Variants in DBH observed in about 807,000 individuals in gnomAD.
DBH encodes the protein dopamine beta-hydroxylase.
A neutral mutation model predicts 64.0 loss-of-function variants in DBH; 49 were observed. The ratio of observed to expected loss-of-function variants is 0.77; its 90% CI spans 0.61 to 0.97. The LOEUF (loss-of-function observed/expected upper bound fraction) is 0.97, where lower values mean the gene tolerates loss of function less well. DBH is among the 50% of genes least tolerant of loss of function. The pLI is 0.00. For synonymous variants in DBH, 343 were observed against 347.1 expected (o/e 0.99, Z 0.13); for missense variants, 828 against 826.6 (o/e 1.00, Z -0.02).
rs544044948 is a variant in DBH at position 133,657,316 on chromosome 9, A to G, written c.1722+87A>G. On this transcript the variant is annotated intron_variant, in intron 11 of 11. Coordinates refer to ENST00000393056, the MANE Select transcript of DBH (RefSeq NM_000787.4). The stretch of plus-strand genomic sequence containing the variant: ...GAGGGGTGATGGGTCTGCACTCCAA[A>G]CTGCTGGCAAAAGCACTCGCACAAG... 4.2e-5 allele frequency: 64 copies of G among 1,531,294 alleles called. 1 individual carries two copies. The Middle Eastern group carries it at 2.0e-3, about 49-fold the overall frequency. 94.9% of individuals were successfully genotyped at this position (1,531,294 alleles called of 1,614,324 possible).
Position 133,658,531 on chromosome 9 carries a change from A to G in DBH, c.*84A>G. On this transcript the variant is annotated 3_prime_UTR_variant, in exon 12 of 12. Coordinates refer to ENST00000393056, the MANE Select transcript of DBH (RefSeq NM_000787.4). ...TGCACTCTACTCTGCGACGATCCCC[A>G]TGGAACAGCCCTGCACGCCCAGGAT... is the stretch of plus-strand genomic sequence containing the variant. 1 of 1,420,410 alleles carries G rather than the reference A, an allele frequency of 7.0e-7. No individual in the cohort carries two copies. The highest frequency in any genetic ancestry group is 9.4e-7 in the Non-Finnish European group (1 of 1,062,388). 88.0% of individuals were successfully genotyped at this position (1,420,410 alleles called of 1,614,324 possible).
chr9:133,641,154 A>T (rs1391227723), intron 2 of DBH, among the ~76,000 whole-genome samples: 3 of 152,240 alleles, frequency 2.0e-5, no homozygotes, highest in Admixed American at 1.3e-4. Context: ...TGAGCCTGCA[A>T]TCCATTAATA....
At chr9:133,638,071 CT>C (rs1282743691) in intron 1 of DBH, among the ~76,000 whole-genome samples, 3 of 152,270 alleles carry the variant, frequency 2.0e-5, no homozygotes, top group Non-Finnish European at 2.9e-5. Flanking sequence ...AGCGTCCCCC[CT>C]GCCTGCATTT....
At chr9:133,658,085 G>A (rs1832358750) in intron 11 of DBH, among the ~76,000 whole-genome samples, 1 of 151,738 alleles carries the variant, frequency 6.6e-6, no homozygotes, top group South Asian at 2.1e-4. Flanking sequence ...GAGGCGGGGA[G>A]AGGCCTGGAT....
Position 133,658,407 on chromosome 9 carries a change from C to T in DBH, c.1814C>T (p.Ala605Val), listed in dbSNP as rs1832363922. Residue 605 changes from alanine to valine, a missense_variant, in exon 12 of 12, where the codon GCT becomes GTT. Transcript: ENST00000393056. ...QCPTSQGRSP[A>V]GPTVVSIGGG... is the part of the protein sequence containing the mutation. ...CCCACCAGCCAGGGCCGAAGCCCTG[C>T]TGGCCCCACCGTTGTCAGCATTGGT... 6.2e-7 allele frequency: 1 copy of T among 1,613,336 alleles called. No individual in the cohort carries two copies. The highest frequency in any genetic ancestry group is 1.3e-5 in the African/African-American group (1 of 74,912).
chr9:133,659,044 C>T lies in DBH; in HGVS notation c.*597C>T, dbSNP rs1832375879. On this transcript the variant is annotated 3_prime_UTR_variant, in exon 12 of 12. Transcript: ENST00000393056. ...TCGCCCACCTAAAGGGAAGCCCTGACAACAACTATCACCAAAAGACGAGGC... is the reference window on the plus strand; with the variant it reads ...TCGCCCACCTAAAGGGAAGCCCTGATAACAACTATCACCAAAAGACGAGGC... 6.6e-6 allele frequency: 1 copy of T among 152,148 alleles called. No homozygotes were observed. Among genetic ancestry groups the T allele is most frequent in the Admixed American group, 6.5e-5 (1 of 15,274 alleles). The allele number at this position is 152,148 out of a possible 1,614,324, so 9.4% of individuals were successfully genotyped here.
chr9:133,642,376 C>T lies in DBH; in HGVS notation c.656C>T (p.Pro219Leu). The T allele has an allele frequency of 1.2e-6, 2 of 1,614,098 alleles. No homozygotes were observed. Among genetic ancestry groups the T allele is most frequent in the Non-Finnish European group, 1.7e-6 (2 of 1,180,004 alleles). The change falls in exon 3 of 12, where the codon CCC (proline) becomes CTC (leucine). Residue 219 changes from proline (P) to leucine (L), a missense_variant. Transcript: ENST00000393056. The part of the protein sequence containing the change: ...SDACTMEVQA[P>L]NIQIPSQETT... Reference sequence around the variant, plus strand: ...GCGTGCACCATGGAGGTCCAAGCTCCCAATATCCAGATCCCCAGCCAGGAG... The same window carrying T: ...GCGTGCACCATGGAGGTCCAAGCTCTCAATATCCAGATCCCCAGCCAGGAG...
At chr9:133,652,395 A>AGAGCCATCCAGGGCAGGGGGAGGGT in intron 8 of DBH, 111 bp downstream of exon 8, 1 of 1,333,606 alleles carries the variant, frequency 7.5e-7, no homozygotes. Flanking sequence ...AGGGGGAGGG[A>AGAGCCATCCAGGGCAGGGGGAGGGT]GAGCCATCCA....
intron 2 of DBH, 73 bp downstream of exon 2, chr9:133,640,065 T>A (rs138201724): frequency 6.3e-7 from 1 of 1,580,332 alleles, no homozygotes; most frequent in African/African-American, 1.3e-5. Flanking sequence ...GCCAATGTCA[T>A]AGTACCTTTC....
chr9:133,637,579 T>A (rs992811081), intron 1 of DBH, among the ~76,000 whole-genome samples: 6 of 152,246 alleles, frequency 3.9e-5, no homozygotes, highest in Non-Finnish European at 7.3e-5. Context: ...CTGCTTTATC[T>A]GGGAGTGCCG....
chr9:133,640,006 G>T lies in DBH; in HGVS notation c.486+14G>T, dbSNP rs767097532. 1 of 1,613,750 alleles carries T rather than the reference G, an allele frequency of 6.2e-7. No individual in the cohort carries two copies. The highest frequency in any genetic ancestry group is 8.5e-7 in the Non-Finnish European group (1 of 1,179,926). On this transcript the variant is annotated intron_variant, in intron 2 of 11. Transcript: ENST00000393056. The stretch of plus-strand genomic sequence containing the variant: ...TACCTCATTGAAGTAAGGGGTGGCC[G>T]CGAGTACCCAGGAGGGCGTGGGCTG...
intron 3 of DBH, 79 bp downstream of exon 3, chr9:133,642,543 GC>G: frequency 6.6e-7 from 1 of 1,510,182 alleles, no homozygotes; most frequent in Non-Finnish European, 8.9e-7. Context: ...ACCCTGGAGA[GC>G]TGTCCACAGT....
rs1832368511 is a variant in DBH at position 133,658,630 on chromosome 9, G to A, written c.*183G>A. 7.3e-6 allele frequency: 5 copies of A among 681,000 alleles called. No individual in the cohort carries two copies. The highest frequency in any genetic ancestry group is 4.1e-4 in the Middle Eastern group (1 of 2,412). The allele number at this position is 681,000 out of a possible 1,614,324, so 42.2% of individuals were successfully genotyped here. On this transcript the variant is annotated 3_prime_UTR_variant, in exon 12 of 12. Coordinates refer to ENST00000393056, the MANE Select transcript of DBH (RefSeq NM_000787.4). ...TTCTTCCCCCAGGGTCCCCTGCATG[G>A]CTGAGAGGGTGTGGGTGCCCTGTTG...
chr9:133,642,178 C>A (rs201969575), intron 2 of DBH, 29 bp from the exon 3 acceptor site: 72 of 1,610,504 alleles, frequency 4.5e-5, no homozygotes, highest in Non-Finnish European at 5.9e-5. Flanking sequence ...TCTGAGAGGG[C>A]GACCAGCTGA....
At chr9:133,658,180 G>A in intron 11 of DBH, 136 bp from the exon 12 acceptor site, 1 of 1,203,608 alleles carries the variant, frequency 8.3e-7, no homozygotes, top group South Asian at 1.4e-5. Flanking sequence ...GCAACTTGGG[G>A]GAGCAGAGTG....
At chr9:133,651,480 G>A (rs1832247584) in intron 6 of DBH, among the ~76,000 whole-genome samples, 154 bp from the exon 7 acceptor site, 1 of 152,240 alleles carries the variant, frequency 6.6e-6, no homozygotes, top group Non-Finnish European at 1.5e-5. Context: ...TTCTGATGGT[G>A]GCTCTAACCT....
In DBH at chr9:133,651,795, A is replaced by G; in HGVS notation, c.1335+18A>G. The G allele has an allele frequency of 8.3e-7, 1 of 1,209,220 alleles. No homozygotes were observed. The highest frequency in any genetic ancestry group is 1.1e-6 in the Non-Finnish European group (1 of 902,674). The allele number at this position is 1,209,220 out of a possible 1,614,324, so 74.9% of individuals were successfully genotyped here. Reference sequence around the variant, plus strand: ...ACTTCCAGGTAGGAACCTGCACCCCACCCCTGCCCCGCCCCCACACCCTGC... The same window carrying G: ...ACTTCCAGGTAGGAACCTGCACCCCGCCCCTGCCCCGCCCCCACACCCTGC... On this transcript the variant is annotated intron_variant, in intron 7 of 11. Coordinates refer to ENST00000393056, the MANE Select transcript of DBH (RefSeq NM_000787.4).
chr9:133,649,155 T>A (rs1194059590), intron 6 of DBH, among the ~76,000 whole-genome samples: 1 of 152,232 alleles, frequency 6.6e-6, no homozygotes, highest in Non-Finnish European at 1.5e-5. Context: ...TTCCTCTGCC[T>A]CTTGGCCATT....
At chr9:133,657,448 AGAGGAGAGAGGGAGAGG>A (rs1437691815) in intron 11 of DBH, 1 of 421,912 alleles carries the variant, frequency 2.4e-6, no homozygotes, top group Non-Finnish European at 4.2e-6. Flanking sequence ...GAGAGGAGAG[AGAGGAGAGAGGGAGAGG>A]GAGAGAGGGA....
Sources: allele counts gnomAD v4.1 joint callset (sites outside exome capture counted in the v4.1 genomes callset), GRCh38; gene constraint gnomAD v4.1.1; transcripts MANE v1.5; gene names NCBI Gene and HGNC (gene_info 2026-07-23, HGNC 2026-07-21).